MBNL2: variants seen among roughly 807,000 people sequenced by gnomAD.
MBNL2 encodes muscleblind like splicing regulator 2.
MBNL2 carries 17 observed loss-of-function variants against 41.9 expected under a neutral mutation model. The ratio of observed to expected loss-of-function variants is 0.41; its 90% confidence interval spans 0.28 to 0.61. The LOEUF is 0.61. Ranked by LOEUF, MBNL2 falls within the 20% of genes least tolerant of loss-of-function variation. The pLI, the probability that MBNL2 is intolerant of heterozygous loss-of-function variation, is 0.35. For synonymous variants in MBNL2, 195 were observed against 182.9 expected (o/e 1.07, Z -0.53); for missense variants, 336 against 505.6 (o/e 0.66, Z 3.22).
At chr13:97,337,702 T>C (rs1002971839) in intron 3 of MBNL2, among the ~76,000 whole-genome samples, 2 of 152,242 alleles carry the variant, frequency 1.3e-5, no homozygotes, top group Non-Finnish European at 2.9e-5. Flanking sequence ...TTTTAATAAA[T>C]GGTACTATCA....
intron 1 of MBNL2, among the ~76,000 whole-genome samples, chr13:97,241,744 C>A (rs1244640656): frequency 6.6e-6 from 1 of 152,178 alleles, no homozygotes; most frequent in Admixed American, 6.5e-5. Flanking sequence ...AACCCTGAGA[C>A]CAACCCTATT....
At chr13:97,262,507 C>T (rs985053209) in intron 1 of MBNL2, among the ~76,000 whole-genome samples, 2 of 152,170 alleles carry the variant, frequency 1.3e-5, no homozygotes, top group South Asian at 4.1e-4. Flanking sequence ...CTCCAAATCA[C>T]TAAAGAAACT....
chr13:97,235,050 C>T (rs1199810347), intron 1 of MBNL2, among the ~76,000 whole-genome samples: 5 of 152,090 alleles, frequency 3.3e-5, no homozygotes, highest in African/African-American at 9.7e-5. Context: ...CTTAGGGACA[C>T]GCAGAGCAAA....
chr13:97,326,771 A>T (rs1013400679), intron 2 of MBNL2, among the ~76,000 whole-genome samples: 8 of 152,226 alleles, frequency 5.3e-5, no homozygotes, highest in Admixed American at 3.3e-4. Flanking sequence ...CTAATCTGTC[A>T]CTTGCCTTAG....
intron 1 of MBNL2, among the ~76,000 whole-genome samples, chr13:97,260,896 T>C (rs1386812491): frequency 6.6e-6 from 1 of 152,112 alleles, no homozygotes; most frequent in Non-Finnish European, 1.5e-5. Context: ...GCATAAACCC[T>C]TGGATCACTC....
chr13:97,264,814 C>A (rs552085628), intron 1 of MBNL2, among the ~76,000 whole-genome samples: 1 of 152,270 alleles, frequency 6.6e-6, no homozygotes, highest in South Asian at 2.1e-4. Flanking sequence ...AGGCTATGGC[C>A]GGGGAAGGAA....
At chr13:97,382,182 T>C (rs2065512279) in intron 8 of MBNL2, among the ~76,000 whole-genome samples, 1 of 152,250 alleles carries the variant, frequency 6.6e-6, no homozygotes, top group Non-Finnish European at 1.5e-5. Flanking sequence ...ATTTTAAACA[T>C]ATTCAAAATT....
intron 2 of MBNL2, among the ~76,000 whole-genome samples, chr13:97,323,387 C>T (rs190616204): frequency 1.8e-4 from 27 of 152,314 alleles, no homozygotes; most frequent in Non-Finnish European, 3.2e-4. Flanking sequence ...GTGGATTCAA[C>T]CAACTATGGA....
the MBNL2 span, among the ~76,000 whole-genome samples, chr13:97,195,774 A>G: frequency 6.6e-6 from 1 of 152,204 alleles, no homozygotes; most frequent in African/African-American, 2.4e-5. Context: ...AATTCTGGAC[A>G]TTTTTAATAT....
In MBNL2 at chr13:97,393,798, A is replaced by C. The variant is rs924954839; in HGVS notation, c.*2349A>C. On this transcript the variant is annotated 3_prime_UTR_variant, in exon 9 of 9. Coordinates refer to ENST00000679496, the MANE Select transcript of MBNL2 (RefSeq NM_001382683.1). The stretch of plus-strand genomic sequence containing the variant: ...AAATCTTAAATGCTTTGTTTAATTA[A>C]AAAACAAAAATCACCAATATCCAAG... The C allele has an allele frequency of 1.3e-5, 2 of 152,474 alleles. No individual in the cohort carries two copies. Among genetic ancestry groups the C allele is most frequent in the Admixed American group, 6.6e-5 (1 of 15,260 alleles). 9.4% of individuals were successfully genotyped at this position (152,474 alleles called of 1,614,324 possible). A position where few individuals can be genotyped will look rare whatever the true frequency, so the allele number is the denominator to read the frequency against.
At chr13:97,286,258 G>A (rs1424943525) in intron 2 of MBNL2, among the ~76,000 whole-genome samples, 1 of 152,044 alleles carries the variant, frequency 6.6e-6, no homozygotes, top group African/African-American at 2.4e-5. Flanking sequence ...TGTTCTCATT[G>A]GACCCATTCT....
chr13:97,383,949 G>A (rs932815063), intron 8 of MBNL2, among the ~76,000 whole-genome samples: 1 of 151,026 alleles, frequency 6.6e-6, no homozygotes, highest in Non-Finnish European at 1.5e-5. Flanking sequence ...GCCCAGGCTG[G>A]AGTGTGGTGG....
chr13:97,294,750 G>T (rs115554286), intron 2 of MBNL2, among the ~76,000 whole-genome samples: 1 of 152,056 alleles, frequency 6.6e-6, no homozygotes, highest in African/African-American at 2.4e-5. Flanking sequence ...ATCCCTGAAG[G>T]TCTTACTTAA....
chr13:97,303,546 T>C (rs772516549), intron 2 of MBNL2, among the ~76,000 whole-genome samples: 3 of 152,212 alleles, frequency 2.0e-5, no homozygotes, highest in Non-Finnish European at 4.4e-5. Context: ...CCATGCAGGC[T>C]GCACCAGTGA....
the MBNL2 span, among the ~76,000 whole-genome samples, chr13:97,169,076 T>C: frequency 1.3e-5 from 2 of 152,196 alleles, no homozygotes; most frequent in African/African-American, 4.8e-5. Context: ...CATTTCTGGA[T>C]TTCTTTCAGA....
chr13:97,166,837 T>TAGATAGATAGAA, the MBNL2 span, among the ~76,000 whole-genome samples: 21 of 143,384 alleles, frequency 1.5e-4, no homozygotes, highest in African/African-American at 2.6e-4. Flanking sequence ...GATAGATAGA[T>TAGATAGATAGAA]AGAAAGATAG....
At chr13:97,153,405 A>G in the MBNL2 span, among the ~76,000 whole-genome samples, 1 of 152,146 alleles carries the variant, frequency 6.6e-6, no homozygotes, top group Non-Finnish European at 1.5e-5. Flanking sequence ...TTAAAAATTA[A>G]GAAGAAACAG....
chr13:97,291,746 T>G lies in MBNL2; in HGVS notation c.174+15337T>G, dbSNP rs972715091. On this transcript the variant is annotated intron_variant, in intron 2 of 8. Transcript: ENST00000679496. The stretch of plus-strand genomic sequence containing the variant: ...CCCTTCTCTGCTAAAAATACAAAAA[T>G]TAGCTGGGCATGGTGGCATGCACCT... Among the ~76,000 whole-genome samples the G allele has an allele frequency of 6.7e-5, 10 of 149,064 alleles. No homozygotes were observed. In the East Asian group the frequency reaches 1.8e-3, roughly 27 times the overall value.
At chr13:97,278,530 TG>T (rs752207736) in intron 2 of MBNL2, among the ~76,000 whole-genome samples, 1 of 152,176 alleles carries the variant, frequency 6.6e-6, no homozygotes, top group East Asian at 1.9e-4. Flanking sequence ...GACTATCAAC[TG>T]GGCAACAACG....
Sources: allele counts gnomAD v4.1 joint callset (sites outside exome capture counted in the v4.1 genomes callset), GRCh38; gene constraint gnomAD v4.1.1; transcripts MANE v1.5; gene names NCBI Gene and HGNC (gene_info 2026-07-23, HGNC 2026-07-21).